CADPS: variants seen among roughly 807,000 people sequenced by gnomAD.
CADPS encodes calcium dependent secretion activator, also known as calcium-dependent secretion activator 1.
CADPS carries 57 observed loss-of-function variants against 167.3 expected under a neutral mutation model. That is an observed-to-expected ratio of 0.34 (90% CI 0.28 to 0.42). The LOEUF is 0.42. Ranked by LOEUF, CADPS falls within the 20% of genes least tolerant of loss-of-function variation. CADPS has a pLI of 1.00. For synonymous variants in CADPS, 676 were observed against 635.3 expected (o/e 1.06, Z -0.96); for missense variants, 1,414 against 1,738.1 (o/e 0.81, Z 3.32).
chr3:62,759,960 TAAAGGA>T (rs1488795640), intron 2 of CADPS, among the ~76,000 whole-genome samples: 1 of 152,172 alleles, frequency 6.6e-6, no homozygotes, highest in Non-Finnish European at 1.5e-5. Flanking sequence ...CACCAAAAAG[TAAAGGA>T]TTCTGGGCAA....
intron 1 of CADPS, among the ~76,000 whole-genome samples, chr3:62,835,017 A>G (rs1409654275): frequency 6.6e-6 from 1 of 152,190 alleles, no homozygotes; most frequent in African/African-American, 2.4e-5. Context: ...TTAAAGGAGC[A>G]GATTCATTGT....
At chr3:62,462,489 G>A (rs529597357) in intron 26 of CADPS, among the ~76,000 whole-genome samples, 1 of 152,362 alleles carries the variant, frequency 6.6e-6, no homozygotes, top group South Asian at 2.1e-4. Context: ...GGCGCTCAGC[G>A]GGAGAAAGAG....
At chr3:62,547,587 C>CCG (rs2076671325) in intron 11 of CADPS, among the ~76,000 whole-genome samples, 1 of 41,782 alleles carries the variant, frequency 2.4e-5, no homozygotes. Flanking sequence ...ATCATTTACG[C>CCG]CCCCCCCCCC....
intron 8 of CADPS, among the ~76,000 whole-genome samples, chr3:62,579,678 G>A (rs2083002480): frequency 6.6e-6 from 1 of 152,192 alleles, no homozygotes; most frequent in Non-Finnish European, 1.5e-5. Flanking sequence ...GGAGGCCAGT[G>A]TGGCTGGAAC....
At chr3:62,610,801 C>T (rs1330654578) in intron 6 of CADPS, among the ~76,000 whole-genome samples, 3 of 151,924 alleles carry the variant, frequency 2.0e-5, no homozygotes, top group Non-Finnish European at 2.9e-5. Context: ...TGATTTTCCT[C>T]ATCTCCTCTC....
chr3:62,449,917 T>G (rs2057792353), intron 26 of CADPS, among the ~76,000 whole-genome samples: 2 of 152,178 alleles, frequency 1.3e-5, no homozygotes, highest in Admixed American at 1.3e-4. Context: ...TGCCATTTTT[T>G]AGCTTGGTGA....
At chr3:62,641,407 C>T (rs2067388224) in intron 6 of CADPS, among the ~76,000 whole-genome samples, 1 of 152,244 alleles carries the variant, frequency 6.6e-6, no homozygotes, top group East Asian at 1.9e-4. Flanking sequence ...TTAACATAAT[C>T]TCTGTTCTTA....
intron 1 of CADPS, among the ~76,000 whole-genome samples, chr3:62,802,271 T>G (rs777278099): frequency 6.6e-5 from 10 of 152,128 alleles, no homozygotes; most frequent in Non-Finnish European, 1.5e-5. Context: ...AAACACACTC[T>G]CATGAGTTTC....
intron 10 of CADPS, among the ~76,000 whole-genome samples, chr3:62,554,196 T>C (rs1011757792): frequency 6.6e-6 from 1 of 152,240 alleles, no homozygotes. Context: ...TTTCAAACTT[T>C]CCAAACCATA....
intron 1 of CADPS, among the ~76,000 whole-genome samples, chr3:62,846,258 C>T (rs927292439): frequency 3.5e-4 from 54 of 152,118 alleles, no homozygotes; most frequent in African/African-American, 1.1e-3. Flanking sequence ...AGTGTGAGAA[C>T]GGACTAATAC....
intron 3 of CADPS, among the ~76,000 whole-genome samples, chr3:62,695,242 G>A (rs1199595197): frequency 6.6e-6 from 1 of 152,016 alleles, no homozygotes; most frequent in Non-Finnish European, 1.5e-5. Context: ...AAGGATAGTT[G>A]CATCTTACAA....
At chr3:62,585,148 T>G in intron 8 of CADPS, 37 bp downstream of exon 8, 1 of 1,603,264 alleles carries the variant, frequency 6.2e-7, no homozygotes, top group Non-Finnish European at 8.5e-7. Flanking sequence ...TGAACAGACG[T>G]GTGTCCAAAA....
intron 21 of CADPS, among the ~76,000 whole-genome samples, chr3:62,486,018 G>A (rs1007802835): frequency 2.6e-5 from 4 of 152,180 alleles, no homozygotes; most frequent in African/African-American, 9.7e-5. Flanking sequence ...CAGGCCACCT[G>A]CATATTGCTA....
intron 26 of CADPS, among the ~76,000 whole-genome samples, chr3:62,453,358 G>T (rs1299224513): frequency 6.6e-6 from 1 of 152,062 alleles, no homozygotes; most frequent in Non-Finnish European, 1.5e-5. Flanking sequence ...AGGAACAAAA[G>T]TGATAGAATT....
At chr3:62,415,242 C>CA (rs1341045009) in intron 28 of CADPS, among the ~76,000 whole-genome samples, 1 of 152,104 alleles carries the variant, frequency 6.6e-6, no homozygotes, top group African/African-American at 2.4e-5. Context: ...GATTGTGGCA[C>CA]ATTTTATCAA....
intron 3 of CADPS, among the ~76,000 whole-genome samples, chr3:62,701,648 A>C (rs2081417408): frequency 6.6e-6 from 1 of 151,826 alleles, no homozygotes; most frequent in African/African-American, 2.4e-5. Context: ...AAAGAAAAGA[A>C]AAGATGCCCT....
chr3:62,761,556 G>A (rs937682422), intron 2 of CADPS, among the ~76,000 whole-genome samples: 19 of 151,846 alleles, frequency 1.3e-4, no homozygotes, highest in African/African-American at 3.9e-4. Flanking sequence ...ATACCCCCAT[G>A]TTCACTTCCA....
chr3:62,724,675 C>T (rs1253249316), intron 3 of CADPS, among the ~76,000 whole-genome samples: 1 of 152,172 alleles, frequency 6.6e-6, no homozygotes, highest in Non-Finnish European at 1.5e-5. Flanking sequence ...TTTAGCAATG[C>T]ATCAGTGAAA....
intron 26 of CADPS, among the ~76,000 whole-genome samples, chr3:62,451,118 G>A (rs2057984576): frequency 2.0e-5 from 3 of 152,116 alleles, no homozygotes; most frequent in South Asian, 2.1e-4. Context: ...CAGTGCAGAA[G>A]GTCCAAAATA....
Sources: gnomAD v4.1 joint callset for allele counts (sites outside exome capture counted in the v4.1 genomes callset) on GRCh38, gnomAD v4.1.1 for gene constraint, MANE v1.5 for transcripts, NCBI Gene and HGNC (gene_info 2026-07-23, HGNC 2026-07-21) for gene names.